Variants in SLC2A11 observed in about 807,000 individuals in gnomAD.
The protein encoded by SLC2A11 is solute carrier family 2, facilitated glucose transporter member 11.
SLC2A11 carries 43 observed loss-of-function variants against 52.1 expected under a neutral mutation model. That is an observed-to-expected ratio of 0.82 (90% CI 0.65 to 1.06). The LOEUF (loss-of-function observed/expected upper bound fraction) is 1.06, where lower values mean the gene tolerates loss of function less well. Ranked by LOEUF, SLC2A11 falls within the 50% of genes least tolerant of loss-of-function variation. SLC2A11 has a pLI of 0.00. For missense variants in SLC2A11, 582 were observed against 654.2 expected (o/e 0.89, Z 1.20); for synonymous variants, 261 against 277.6 (o/e 0.94, Z 0.59).
intron 3 of SLC2A11, chr22:23,872,533 C>T (rs2032489581): frequency 6.6e-6 from 1 of 152,220 alleles, no homozygotes; most frequent in Non-Finnish European, 1.5e-5. Context: ...GGGCCACGAT[C>T]ATGTATAGTT....
At chr22:23,861,524 G>A (rs2032065974) in intron 1 of SLC2A11, among the ~76,000 whole-genome samples, 1 of 152,164 alleles carries the variant, frequency 6.6e-6, no homozygotes, top group Non-Finnish European at 1.5e-5. Context: ...GCTGGGATAG[G>A]GACCAGGCAC....
At chr22:23,875,404 T>G (rs2032586687) in intron 4 of SLC2A11, among the ~76,000 whole-genome samples, 163 bp downstream of exon 4, 1 of 152,180 alleles carries the variant, frequency 6.6e-6, no homozygotes, top group African/African-American at 2.4e-5. Context: ...TAGTTTATCT[T>G]AAAGGGCTCA....
At chr22:23,857,574 C>G (rs1182828824), upstream of SLC2A11, 3 of 1,447,460 alleles carry the variant, frequency 2.1e-6, no homozygotes, top group South Asian at 2.4e-5. Context: ...GCGGTGACCC[C>G]AAACCCCCCC....
chr22:23,882,752 C>T lies in SLC2A11; in HGVS notation c.883-7C>T, dbSNP rs1410238176. 1.2e-6 allele frequency: 2 copies of T among 1,610,612 alleles called. No homozygotes were observed. Among genetic ancestry groups the T allele is most frequent in the Non-Finnish European group, 1.7e-6 (2 of 1,178,490 alleles). On this transcript the variant is annotated splice_polypyrimidine_tract_variant and splice_region_variant and intron_variant, in intron 7 of 11. Coordinates refer to ENST00000316185, the MANE Select transcript of SLC2A11 (RefSeq NM_001024939.4). ...GGAGCCCAGGCCTGAAAGCCACCCT[C>T]TCCCAGGTGTACGCCTACGCCTCCT...
intron 1 of SLC2A11, among the ~76,000 whole-genome samples, chr22:23,860,921 C>T (rs1425145790): frequency 1.3e-5 from 2 of 151,094 alleles, no homozygotes; most frequent in Admixed American, 1.3e-4. Context: ...TCTCGGCTCA[C>T]TGCTAGCTCC....
At chr22:23,875,081 A>G (rs2146128858) in intron 3 of SLC2A11, 36 bp from the exon 4 acceptor site, 1 of 1,516,052 alleles carries the variant, frequency 6.6e-7, no homozygotes, top group South Asian at 1.3e-5. Context: ...GGACTGAATC[A>G]CAGCCTCTCT....
chr22:23,864,792 G>A (rs1221225993), intron 2 of SLC2A11, among the ~76,000 whole-genome samples: 2 of 152,030 alleles, frequency 1.3e-5, no homozygotes, highest in East Asian at 3.9e-4. Context: ...GCTGAATGGT[G>A]TTAAGTTCTA....
intron 3 of SLC2A11, 28 bp from the exon 4 acceptor site, chr22:23,875,089 T>C (rs766370214): frequency 6.5e-7 from 1 of 1,529,768 alleles, no homozygotes; most frequent in Admixed American, 2.1e-5. Flanking sequence ...TCACAGCCTC[T>C]CTTTCTGTGT....
intron 3 of SLC2A11, among the ~76,000 whole-genome samples, chr22:23,874,418 C>T (rs1368532790): frequency 1.3e-5 from 2 of 151,852 alleles, no homozygotes; most frequent in East Asian, 3.9e-4. Context: ...TCCTGAGTAG[C>T]TGAAATTACA....
Position 23,868,533 on chromosome 22 carries a change from T to G in SLC2A11, c.182T>G (p.Leu61Arg). 1 of 1,614,248 alleles carries G rather than the reference T, an allele frequency of 6.2e-7. No homozygotes were observed. Among genetic ancestry groups the G allele is most frequent in the Non-Finnish European group, 8.5e-7 (1 of 1,180,050 alleles). ...TGGCAGGCGCGTACTGGAGAGCCAC[T>G]GCCCGATCACCTAGTCCTGCTTATG... ...ETWQARTGEP[L>R]PDHLVLLMWS... is the part of the protein sequence containing the mutation. The change falls in exon 3 of 12, where the codon CTG (leucine) becomes CGG (arginine). Residue 61 changes from leucine (L) to arginine (R), a missense_variant. By Grantham distance (102) the Leu-to-Arg change is moderately radical. Transcript: ENST00000316185.
chr22:23,857,221 G>A (rs1357284438), upstream of SLC2A11: 14 of 743,222 alleles, frequency 1.9e-5, no homozygotes, highest in Non-Finnish European at 2.9e-5. Flanking sequence ...TTGCGGCTGA[G>A]GTCAGACCAG....
intron 1 of SLC2A11, among the ~76,000 whole-genome samples, chr22:23,859,469 C>T (rs919953129): frequency 6.7e-6 from 1 of 149,428 alleles, no homozygotes; most frequent in African/African-American, 2.5e-5. Context: ...CAGCACACTT[C>T]CTGGCTGAGA....
At chr22:23,881,052 G>T (rs1222254971) in intron 6 of SLC2A11, 1 of 150,942 alleles carries the variant, frequency 6.6e-6, no homozygotes, top group Non-Finnish European at 1.5e-5. Flanking sequence ...TCTTTGTTAC[G>T]GTAGCACCAA....
At chr22:23,878,278 T>C (rs2032690435) in intron 6 of SLC2A11, among the ~76,000 whole-genome samples, 1 of 152,048 alleles carries the variant, frequency 6.6e-6, no homozygotes, top group African/African-American at 2.4e-5. Context: ...TATTTACTGC[T>C]TCTTTTATTC....
chr22:23,860,691 C>T (rs1347516802), intron 1 of SLC2A11, among the ~76,000 whole-genome samples: 1 of 146,258 alleles, frequency 6.8e-6, no homozygotes, highest in African/African-American at 2.5e-5. Context: ...CAAGATTGCG[C>T]CATTGCACTC....
At chr22:23,856,971 A>G (rs766571922), upstream of SLC2A11, 13 of 1,608,668 alleles carry the variant, frequency 8.1e-6, no homozygotes, top group Non-Finnish European at 1.1e-5. Flanking sequence ...GGACGCACAG[A>G]TGAGAGCGCT....
Position 23,882,467 on chromosome 22 carries a change from C to T in SLC2A11, c.703C>T (p.Arg235Trp), listed in dbSNP as rs753205664. 54 of 1,540,838 alleles carry T rather than the reference C, an allele frequency of 3.5e-5. No homozygotes were observed. The highest frequency in any genetic ancestry group is 2.2e-4 in the Admixed American group (11 of 50,626). ...DTEACLAALR[R>W]LRGSGDLAGE... is the part of the protein sequence containing the mutation. ...CCTCCTCCCTGGCTCAGCACTACGG[C>T]GGCTCCGGGGCTCCGGGGACTTGGC... is the stretch of plus-strand genomic sequence containing the variant. Residue 235 changes from arginine to tryptophan, a missense_variant, in exon 7 of 12, where the codon CGG (arginine) becomes TGG (tryptophan). By Grantham distance (101) the Arg-to-Trp change is moderately radical. Transcript: ENST00000316185.
At chr22:23,883,278 C>G in intron 8 of SLC2A11, 3 of 335,856 alleles carry the variant, frequency 8.9e-6, no homozygotes, top group Non-Finnish European at 1.7e-5. Flanking sequence ...GGAGACCAGC[C>G]TGGGCAACAT....
In SLC2A11 at chr22:23,883,802, G is replaced by C; in HGVS notation, c.1024G>C (p.Val342Leu). Residue 342 changes from valine (V) to leucine (L), a missense_variant, in exon 9 of 12, where the codon GTG becomes CTG. Val to Leu is a conservative substitution (Grantham distance 32). Transcript: ENST00000316185. ...GGTAATCGAGAGGGTGGGTCGGCGC[G>C]TGCTGCTCATCGGTGGGTACAGCCT... ...CVVIERVGRR[V>L]LLIGGYSLMT... is the part of the protein sequence containing the mutation. 6.4e-7 allele frequency: 1 copy of C among 1,558,012 alleles called. No individual in the cohort carries two copies. Among genetic ancestry groups the C allele is most frequent in the Non-Finnish European group, 8.7e-7 (1 of 1,155,982 alleles).
Sources: gnomAD v4.1 joint callset for allele counts (sites outside exome capture counted in the v4.1 genomes callset) on GRCh38, gnomAD v4.1.1 for gene constraint, MANE v1.5 for transcripts, NCBI Gene and HGNC (gene_info 2026-07-23, HGNC 2026-07-21) for gene names.